CRNKL1: variants seen among roughly 807,000 people sequenced by gnomAD.
CRNKL1 encodes crooked neck-like protein 1.
CRNKL1 carries 35 observed loss-of-function variants against 103.7 expected under a neutral mutation model. That is an observed-to-expected ratio of 0.34 (90% confidence interval 0.26 to 0.45). The LOEUF is 0.45. Among genes scored for constraint, CRNKL1 ranks in the 20% least tolerant of loss-of-function variants. The probability of loss-of-function intolerance (pLI) is 1.00; values close to 1 mark genes in which losing one functional copy is unlikely to be tolerated. For synonymous variants in CRNKL1, 267 were observed against 282.6 expected, an observed-to-expected ratio of 0.94 and a Z score of 0.55; for missense variants, 645 against 836.0, an observed-to-expected ratio of 0.77 and a Z score of 2.82.
At chr20:20,047,690 A>T in intron 5 of CRNKL1, 75 bp downstream of exon 5, 3 of 1,461,562 alleles carry the variant, frequency 2.1e-6, no homozygotes, top group South Asian at 2.6e-5. Context: ...TGTCCTGATC[A>T]TGAGACATCT....
Position 20,043,520 on chromosome 20 carries a change from C to A in CRNKL1, c.944G>T (p.Arg315Leu). The change falls in exon 7 of 14, where the codon CGG becomes CTG. Residue 315 changes from arginine to leucine, a missense_variant. Physicochemically the swap from Arg to Leu is moderately radical, Grantham distance 102. This residue lies in a region of CRNKL1 where 582 missense variants were observed against 707.7 expected (regional missense o/e 0.82). Transcript: ENST00000536226. Reference sequence around the variant, plus strand: ...CACTTCTTCTTCGTACTGGAATCTCCGTTTGCTCACAATGATATCTTCAAT... The same window carrying A: ...CACTTCTTCTTCGTACTGGAATCTCAGTTTGCTCACAATGATATCTTCAAT... ...RGIEDIIVSKRRFQYEEEVKA... is the reference protein window; with the variant it reads ...RGIEDIIVSKLRFQYEEEVKA... The A allele has an allele frequency of 6.2e-7, 1 of 1,613,948 alleles. No homozygotes were observed. The highest frequency in any genetic ancestry group is 8.5e-7 in the Non-Finnish European group (1 of 1,179,906).
upstream of CRNKL1, among the ~76,000 whole-genome samples, chr20:20,053,387 A>G (rs1202184447): frequency 6.6e-6 from 1 of 152,224 alleles, no homozygotes; most frequent in Non-Finnish European, 1.5e-5. Flanking sequence ...ATCCTCCACC[A>G]GAGCAGTACA....
chr20:20,054,253 G>T (rs1238721068), upstream of CRNKL1, among the ~76,000 whole-genome samples: 1 of 151,682 alleles, frequency 6.6e-6, no homozygotes, highest in East Asian at 1.9e-4. Context: ...ATTTTAAAGT[G>T]ATTGTTTAGG....
At chr20:20,046,073 T>A (rs1219952050) in intron 5 of CRNKL1, among the ~76,000 whole-genome samples, 1 of 152,034 alleles carries the variant, frequency 6.6e-6, no homozygotes, top group East Asian at 1.9e-4. Flanking sequence ...TGAATTGTCA[T>A]TTTAATCTAT....
Position 20,036,036 on chromosome 20 carries a change from T to C in CRNKL1, c.*159A>G. On this transcript the variant is annotated 3_prime_UTR_variant, in exon 14 of 14. Transcript: ENST00000536226. ...GTCCTTTACTTGCAATCCCTACCCC[T>C]AGCTAACCCAAGAGCATTTAAAAAA... The C allele has an allele frequency of 1.3e-6, 1 of 754,396 alleles. No individual in the cohort carries two copies. The highest frequency in any genetic ancestry group is 2.0e-6 in the Non-Finnish European group (1 of 493,464). The allele number at this position is 754,396 out of a possible 1,614,324, so 46.7% of individuals were successfully genotyped here.
chr20:20,037,842 A>C (rs559180502), intron 12 of CRNKL1, among the ~76,000 whole-genome samples: 2 of 152,220 alleles, frequency 1.3e-5, no homozygotes, highest in African/African-American at 2.4e-5. Flanking sequence ...TAATCCCAGC[A>C]CTTCGGGAGG....
rs115137403 is a variant in CRNKL1 at position 20,048,819 on chromosome 20, C to T, written c.297-318G>A. Among the ~76,000 whole-genome samples the T allele has an allele frequency of 5.1e-3, 768 of 152,076 alleles. 5 individuals are homozygous for T. Among genetic ancestry groups the T allele is most frequent in the African/African-American group, 0.017 (719 of 41,456 alleles). ...AGAAATGAGAACTTGAGGAACGTTC[C>T]GATTTACCAGGAAACTAAGTTTGGT... On this transcript the variant is annotated intron_variant, in intron 3 of 13. Transcript: ENST00000536226.
intron 6 of CRNKL1, 150 bp downstream of exon 6, chr20:20,045,158 T>C: frequency 1.7e-6 from 1 of 591,688 alleles, no homozygotes; most frequent in South Asian, 2.6e-5. Context: ...CACATATATA[T>C]GCTGTTCTCT....
At chr20:20,052,505 G>T, upstream of CRNKL1, 1 of 1,614,270 alleles carries the variant, frequency 6.2e-7, no homozygotes, top group Non-Finnish European at 8.5e-7. Flanking sequence ...GAGCCGTGAC[G>T]GAGGCGGCAC....
chr20:20,051,508 A>G (rs560632161), intron 1 of CRNKL1, among the ~76,000 whole-genome samples: 20 of 152,352 alleles, frequency 1.3e-4, no homozygotes, highest in African/African-American at 4.6e-4. Context: ...CATGTGGAGT[A>G]ATGATGATAA....
At chr20:20,052,253 C>G in intron 1 of CRNKL1, 39 bp downstream of exon 1, 1 of 1,561,712 alleles carries the variant, frequency 6.4e-7, no homozygotes, top group East Asian at 2.2e-5. Context: ...ATGCCCCTTT[C>G]CTAGGCCACC....
intron 1 of CRNKL1, 66 bp from the exon 2 acceptor site, chr20:20,050,688 A>T: frequency 6.9e-7 from 1 of 1,445,456 alleles, no homozygotes; most frequent in Non-Finnish European, 9.3e-7. Context: ...AGAAACAAAC[A>T]TACATTTTTT....
rs1226012502 is a variant in CRNKL1 at position 20,035,193 on chromosome 20, A to G, written c.*1002T>C. 6.6e-6 allele frequency: 1 copy of G among 152,228 alleles called. No homozygotes were observed. Among genetic ancestry groups the G allele is most frequent in the East Asian group, 1.9e-4 (1 of 5,198 alleles). The allele number at this position is 152,228 out of a possible 1,614,324, so 9.4% of individuals were successfully genotyped here. A position where few individuals can be genotyped will look rare whatever the true frequency, so the allele number is the denominator to read the frequency against. ...GAGTAGACATTTTCTACTATAGCACACTGGGAGATGTTTACTGGTACTCTA... is the reference window on the plus strand; with the variant it reads ...GAGTAGACATTTTCTACTATAGCACGCTGGGAGATGTTTACTGGTACTCTA... On this transcript the variant is annotated 3_prime_UTR_variant, in exon 14 of 14. Transcript: ENST00000536226.
upstream of CRNKL1, chr20:20,055,863 A>G: frequency 9.4e-7 from 1 of 1,065,038 alleles, no homozygotes; most frequent in Non-Finnish European, 1.4e-6. Context: ...TTTCCCTATG[A>G]AGGAAAGAAG....
At chr20:20,039,539 T>G (rs1346387319) in intron 11 of CRNKL1, 70 bp downstream of exon 11, 5 of 1,565,542 alleles carry the variant, frequency 3.2e-6, no homozygotes, top group Non-Finnish European at 3.5e-6. Context: ...ACACCCACAT[T>G]TAGATGGTCA....
intron 2 of CRNKL1, among the ~76,000 whole-genome samples, chr20:20,050,125 A>G (rs754812030): frequency 1.6e-4 from 24 of 152,192 alleles, no homozygotes; most frequent in East Asian, 3.9e-4. Flanking sequence ...CCAGATCTCA[A>G]TTCTTAACAC....
chr20:20,042,230 C>T, intron 8 of CRNKL1, 95 bp downstream of exon 8: 1 of 1,166,554 alleles, frequency 8.6e-7, no homozygotes, highest in Non-Finnish European at 1.2e-6. Context: ...ACTAAATTTC[C>T]TTCTTTCAAG....
At chr20:20,054,472 A>G (rs2044123899), upstream of CRNKL1, among the ~76,000 whole-genome samples, 2 of 152,146 alleles carry the variant, frequency 1.3e-5, no homozygotes, top group Non-Finnish European at 2.9e-5. Context: ...CTTTATATGT[A>G]GTTTACATTT....
rs1324386227 is a variant in CRNKL1 at position 20,034,753 on chromosome 20, A to AT, written c.*1441dup. The stretch of plus-strand genomic sequence containing the variant: ...ACTAAAGCAGTCAGGCTGAAAACAG[A>AT]TTTTATCTCAACAACAGTCCTAGTT... On this transcript the variant is annotated 3_prime_UTR_variant, in exon 14 of 14. Coordinates refer to ENST00000536226, the MANE Select transcript of CRNKL1 (RefSeq NM_001278628.2). The AT allele has an allele frequency of 5.9e-5, 9 of 152,328 alleles. 1 individual carries two copies. The East Asian group carries it at 1.3e-3, about 23-fold the overall frequency. 9.4% of individuals were successfully genotyped at this position (152,328 alleles called of 1,614,324 possible).
Sources: allele counts gnomAD v4.1 joint callset (sites outside exome capture counted in the v4.1 genomes callset), GRCh38; gene constraint gnomAD v4.1.1; regional missense constraint gnomAD v4.1.1; transcripts MANE v1.5; gene names NCBI Gene and HGNC (gene_info 2026-07-23, HGNC 2026-07-21).